Variants in ARHGEF16 observed in about 807,000 individuals in gnomAD.
The protein encoded by ARHGEF16 is Rho guanine nucleotide exchange factor 16.
ARHGEF16 carries 59 observed loss-of-function variants against 74.1 expected under a neutral mutation model. The ratio of observed to expected loss-of-function variants is 0.80; its 90% CI spans 0.65 to 0.99. ARHGEF16 has a LOEUF of 0.99. Ranked by LOEUF, ARHGEF16 falls within the 50% of genes least tolerant of loss-of-function variation. The pLI is 0.00. For synonymous variants in ARHGEF16, 415 were observed against 412.6 expected (o/e 1.01, Z -0.07); for missense variants, 948 against 986.6 (o/e 0.96, Z 0.52).
At chr1:3,467,410 C>T (rs1639578728) in intron 4 of ARHGEF16, 73 bp downstream of exon 4, 1 of 1,455,920 alleles carries the variant, frequency 6.9e-7, no homozygotes, top group Admixed American at 2.3e-5. Flanking sequence ...TGTTCCTTCC[C>T]CAAGCCCAGG....
At position 3,480,659 on chromosome 1, in the gene ARHGEF16, G is replaced by C. The variant is rs543518202; in HGVS notation, c.*72G>C. 6.5e-7 allele frequency: 1 copy of C among 1,548,834 alleles called. No individual in the cohort carries two copies. Among genetic ancestry groups the C allele is most frequent in the Non-Finnish European group, 8.7e-7 (1 of 1,150,634 alleles). On this transcript the variant is annotated 3_prime_UTR_variant, in exon 15 of 15. Transcript: ENST00000378378. The stretch of plus-strand genomic sequence containing the variant: ...AAGTGGTCGTGCCTGGCTCTAGAGA[G>C]CGTGGGGAGCTGGTCTCAAGGACCC...
chr1:3,471,794 A>C (rs868413833), intron 6 of ARHGEF16: 1 of 1,093,440 alleles, frequency 9.1e-7, no homozygotes, highest in Middle Eastern at 2.6e-4. Flanking sequence ...TATTTGGGGT[A>C]AGCGGCTGGT....
chr1:3,473,229 A>C lies in ARHGEF16; in HGVS notation c.1174A>C (p.Ile392Leu), dbSNP rs759907724. The C allele has an allele frequency of 1.2e-6, 2 of 1,612,834 alleles. No homozygotes were observed. The highest frequency in any genetic ancestry group is 1.7e-6 in the Non-Finnish European group (2 of 1,179,776). The change falls in exon 7 of 15, where the codon ATA (isoleucine) becomes CTA (leucine). Residue 392 changes from isoleucine to leucine, a missense_variant and splice_region_variant. By Grantham distance (5) the Ile-to-Leu change is conservative. Transcript: ENST00000378378. ...CCAACAGCGCACGCTGCAGAAGCTG[A>C]TGTGAGTGGGCGGCCCCGAGGCCCG... is the stretch of plus-strand genomic sequence containing the variant. ...VYQQRTLQKL[I>L]SSNAAFREAL...
intron 5 of ARHGEF16, among the ~76,000 whole-genome samples, chr1:3,469,153 T>G (rs2100745580): frequency 6.6e-6 from 1 of 152,244 alleles, no homozygotes; most frequent in South Asian, 2.1e-4. Flanking sequence ...GGGTGAATCC[T>G]CGGAGTCCAG....
At chr1:3,479,944 T>TG in intron 14 of ARHGEF16, 31 bp downstream of exon 14, 1 of 1,605,496 alleles carries the variant, frequency 6.2e-7, no homozygotes, top group Non-Finnish European at 8.5e-7. Flanking sequence ...CACAGATGGG[T>TG]GGGAACGGAC....
rs190148205 is a variant in ARHGEF16 at position 3,457,593 on chromosome 1, G to T, written c.-20+2782G>T. On this transcript the variant is annotated intron_variant, in intron 1 of 14. Coordinates refer to ENST00000378378, the MANE Select transcript of ARHGEF16 (RefSeq NM_014448.4). ...GAAGGATAAGGGGGCAGGAGGGCGG[G>T]GCTACAGAGCGGCCCACCCAACCAA... Among the ~76,000 whole-genome samples the T allele has an allele frequency of 6.7e-3, 1,019 of 152,340 alleles. 7 individuals are homozygous for T. The highest frequency in any genetic ancestry group is 0.022 in the African/African-American group (929 of 41,576).
chr1:3,461,836 C>T (rs370118863), intron 1 of ARHGEF16, among the ~76,000 whole-genome samples: 5 of 152,286 alleles, frequency 3.3e-5, no homozygotes, highest in African/African-American at 1.2e-4. Context: ...GTCATGGCAG[C>T]CAGGGAAGAC....
intron 2 of ARHGEF16, among the ~76,000 whole-genome samples, chr1:3,464,940 G>A (rs796318248): frequency 1.1e-4 from 16 of 152,326 alleles, no homozygotes; most frequent in African/African-American, 2.2e-4. Context: ...ACTGCAGGCC[G>A]ATGGTGGCTG....
rs558844633 is a variant in ARHGEF16, at chr1:3,480,642, G to C, written c.*55G>C. On this transcript the variant is annotated 3_prime_UTR_variant, in exon 15 of 15. Transcript: ENST00000378378. The stretch of plus-strand genomic sequence containing the variant: ...GCCTGTCTCCAATCAGCAAGTGGTC[G>C]TGCCTGGCTCTAGAGAGCGTGGGGA... 6.3e-6 allele frequency: 10 copies of C among 1,581,984 alleles called. No individual in the cohort carries two copies. Among genetic ancestry groups the C allele is most frequent in the Non-Finnish European group, 8.6e-6 (10 of 1,169,584 alleles).
In ARHGEF16 at chr1:3,473,071, C is replaced by T; in HGVS notation, c.1023-7C>T. On this transcript the variant is annotated splice_polypyrimidine_tract_variant and splice_region_variant and intron_variant, in intron 6 of 14. Transcript: ENST00000378378. ...GTGGCACCCTCCTCACCCCTCCTTG[C>T]CTTCAGGTTCTTCGAGGACCTGGAG... is the stretch of plus-strand genomic sequence containing the variant. 1 of 1,611,210 alleles carries T rather than the reference C, an allele frequency of 6.2e-7. No homozygotes were observed. Among genetic ancestry groups the T allele is most frequent in the Non-Finnish European group, 8.5e-7 (1 of 1,178,836 alleles).
intron 6 of ARHGEF16, chr1:3,471,726 C>A (rs1569863880): frequency 4.9e-6 from 6 of 1,218,146 alleles, no homozygotes; most frequent in Non-Finnish European, 6.3e-6. Flanking sequence ...GCCTCCTCCC[C>A]CAGCTGGGCC....
Position 3,477,897 on chromosome 1 carries a change from C to T in ARHGEF16, c.1496C>T (p.Ser499Phe), listed in dbSNP as rs756061209. ...KVKSLPLISA[S>F]RWLLKRGELF... ...CAGTCCCTCCCACTGATCTCTGCCTCCCGGTGGCTGCTGAAGCGCGGAGAG... is the reference window on the plus strand; with the variant it reads ...CAGTCCCTCCCACTGATCTCTGCCTTCCGGTGGCTGCTGAAGCGCGGAGAG... The change falls in exon 11 of 15, where the codon TCC becomes TTC. Residue 499 changes from serine (S) to phenylalanine (F), a missense_variant. Ser to Phe is a radical substitution (Grantham distance 155). Coordinates refer to ENST00000378378, the MANE Select transcript of ARHGEF16 (RefSeq NM_014448.4). 59 of 1,612,500 alleles carry T rather than the reference C, an allele frequency of 3.7e-5. 1 individual carries two copies. In the East Asian group the frequency reaches 7.8e-4, roughly 21 times the overall value.
chr1:3,464,644 C>T (rs1050134679), intron 2 of ARHGEF16, among the ~76,000 whole-genome samples: 3 of 152,206 alleles, frequency 2.0e-5, no homozygotes, highest in Admixed American at 1.3e-4. Flanking sequence ...AGGCCCCAAG[C>T]ATATGGGCTG....
In ARHGEF16 at chr1:3,463,434, C is replaced by G; in HGVS notation, c.350C>G (p.Ala117Gly). ...GGGGCGGCTGTACTTAGCAGGGAGG[C>G]CGCCCGGCGGGACCCTAAGCTCCTC... is the stretch of plus-strand genomic sequence containing the variant. Reference protein sequence around the residue: ...SFGAAVLSREAARRDPKLLPA... With the variant: ...SFGAAVLSREGARRDPKLLPA... The change falls in exon 2 of 15, where the codon GCC becomes GGC. Residue 117 changes from alanine to glycine, a missense_variant. By Grantham distance (60) the Ala-to-Gly change is moderately conservative (BLOSUM62 0). Coordinates refer to ENST00000378378, the MANE Select transcript of ARHGEF16 (RefSeq NM_014448.4). 1 of 1,545,694 alleles carries G rather than the reference C, an allele frequency of 6.5e-7. No homozygotes were observed. Among genetic ancestry groups the G allele is most frequent in the South Asian group, 1.2e-5 (1 of 83,772 alleles).
chr1:3,458,787 C>T (rs752207907), intron 1 of ARHGEF16, among the ~76,000 whole-genome samples: 26 of 152,284 alleles, frequency 1.7e-4, no homozygotes, highest in African/African-American at 6.3e-4. Flanking sequence ...GAAAGAAACT[C>T]GCTCCAAAGA....
chr1:3,467,897 G>A (rs1023048810), intron 4 of ARHGEF16, among the ~76,000 whole-genome samples: 8 of 152,174 alleles, frequency 5.3e-5, no homozygotes, highest in Admixed American at 3.3e-4. Flanking sequence ...CCATGTGGCC[G>A]TGGGCGTGGC....
At chr1:3,464,686 C>T (rs1010383012) in intron 2 of ARHGEF16, among the ~76,000 whole-genome samples, 2 of 152,202 alleles carry the variant, frequency 1.3e-5, no homozygotes, top group Non-Finnish European at 2.9e-5. Context: ...GGGGCAGGTG[C>T]TGTGTGACCC....
chr1:3,476,112 C>G (rs1231004787), intron 10 of ARHGEF16, 50 bp downstream of exon 10: 2 of 1,529,332 alleles, frequency 1.3e-6, no homozygotes, highest in Admixed American at 2.0e-5. Flanking sequence ...CCACTCAGCC[C>G]TCCCTGCTGG....
chr1:3,474,441 G>A, intron 8 of ARHGEF16: 1 of 450,682 alleles, frequency 2.2e-6, no homozygotes, highest in Non-Finnish European at 4.1e-6. Flanking sequence ...GATTCCCCAA[G>A]TTGGATGGAG....
Sources: allele counts gnomAD v4.1 joint callset (sites outside exome capture counted in the v4.1 genomes callset), GRCh38; gene constraint gnomAD v4.1.1; transcripts MANE v1.5; gene names NCBI Gene and HGNC (gene_info 2026-07-23, HGNC 2026-07-21).